MALT1: variants seen among roughly 807,000 people sequenced by gnomAD.
The protein encoded by MALT1 is MALT1 paracaspase, also known as mucosa-associated lymphoid tissue lymphoma translocation protein 1.
Under a neutral mutation model 85.5 loss-of-function variants are expected in MALT1, and 36 were observed. The observed-to-expected ratio is 0.42, with a 90% CI of 0.32 to 0.56. The LOEUF (loss-of-function observed/expected upper bound fraction) is 0.56. Ranked by LOEUF, MALT1 falls within the 20% of genes least tolerant of loss-of-function variation. The pLI is 0.10. For synonymous variants in MALT1, 359 were observed against 361.3 expected (o/e 0.99, Z 0.07); for missense variants, 716 against 981.6 (o/e 0.73, Z 3.62).
chr18:58,742,569 G>A (rs1376306136), intron 14 of MALT1, among the ~76,000 whole-genome samples: 4 of 152,176 alleles, frequency 2.6e-5, no homozygotes, highest in African/African-American at 7.2e-5. Context: ...TTAGCGGGGT[G>A]TGGTGGCACG....
chr18:58,719,547 T>C (rs543428282), intron 9 of MALT1, among the ~76,000 whole-genome samples: 73 of 152,320 alleles, frequency 4.8e-4, no homozygotes, highest in African/African-American at 1.6e-3. Flanking sequence ...TTTAAGGGCT[T>C]AGACCCTGAA....
rs1206913500 is a variant in MALT1 at position 58,750,822 on chromosome 18, C to T, written c.*2980C>T. ...GTGATGTTGGGCTTAGGAATGGTTT[C>T]TTAGACATAATACCAAAAGCACAAG... On this transcript the variant is annotated 3_prime_UTR_variant, in exon 17 of 17. Transcript: ENST00000649217. 6.6e-6 allele frequency: 1 copy of T among 152,152 alleles called. No individual in the cohort carries two copies. The highest frequency in any genetic ancestry group is 1.5e-5 in the Non-Finnish European group (1 of 68,024). 9.4% of individuals were successfully genotyped at this position (152,152 alleles called of 1,614,324 possible).
Position 58,677,568 on chromosome 18 carries a change from C to T in MALT1, c.210-3602C>T, listed in dbSNP as rs184360454. On this transcript the variant is annotated intron_variant, in intron 1 of 16. Coordinates refer to ENST00000649217, the MANE Select transcript of MALT1 (RefSeq NM_006785.4). ...AATAAAATTTCACAAAATAAGAGCA[C>T]TAACAGGCAGCTTCACCTTTTTATG... 8.5e-5 allele frequency: 13 copies of T among 152,286 alleles called. No individual in the cohort carries two copies. In the East Asian group the frequency reaches 2.5e-3, roughly 29 times the overall value. 9.4% of individuals were successfully genotyped at this position (152,286 alleles called of 1,614,324 possible). A position where few individuals can be genotyped will look rare whatever the true frequency, so the allele number is the denominator to read the frequency against.
intron 9 of MALT1, among the ~76,000 whole-genome samples, chr18:58,722,200 C>A (rs11873030): frequency 6.6e-6 from 1 of 151,532 alleles, no homozygotes; most frequent in Non-Finnish European, 1.5e-5. Flanking sequence ...AGAAAGGTAC[C>A]GTGTTGAAGA....
At position 58,681,190 on chromosome 18, in the gene MALT1, G is replaced by A; in HGVS notation, c.230G>A (p.Cys77Tyr). ...TTCAGTTGCCTAGACCTGGAGCAGT[G>A]TTCTCTTAAGGTACTGGAGCCTGAA... is the stretch of plus-strand genomic sequence containing the variant. ...LRLSCLDLEQ[C>Y]SLKVLEPEGS... Residue 77 changes from cysteine (C) to tyrosine (Y), a missense_variant, in exon 2 of 17, where the codon TGT becomes TAT. Cys to Tyr is a radical substitution (Grantham distance 194). Around this residue, in one of 4 missense-constraint regions of MALT1, gnomAD observed 290 missense variants for 380.5 expected, o/e 0.76. Coordinates refer to ENST00000649217, the MANE Select transcript of MALT1 (RefSeq NM_006785.4). 6.2e-7 allele frequency: 1 copy of A among 1,613,880 alleles called. No individual in the cohort carries two copies. Among genetic ancestry groups the A allele is most frequent in the Non-Finnish European group, 8.5e-7 (1 of 1,179,928 alleles).
At chr18:58,699,376 TGCA>T (rs1381943357) in intron 3 of MALT1, among the ~76,000 whole-genome samples, 26 of 152,192 alleles carry the variant, frequency 1.7e-4, no homozygotes, top group African/African-American at 6.0e-4. Flanking sequence ...CAGTTGTAAG[TGCA>T]GCCTGTCATC....
At chr18:58,727,806 AT>A (rs1188405913) in intron 10 of MALT1, among the ~76,000 whole-genome samples, 2 of 152,066 alleles carry the variant, frequency 1.3e-5, no homozygotes, top group African/African-American at 4.8e-5. Context: ...CTGCATCTGT[AT>A]TTTGGTTCTG....
chr18:58,734,038 C>A (rs936724455), intron 11 of MALT1: 1 of 1,267,894 alleles, frequency 7.9e-7, no homozygotes, highest in African/African-American at 1.5e-5. Flanking sequence ...ATGACTGTTC[C>A]TCTAGATTTA....
intron 14 of MALT1, 80 bp downstream of exon 14, chr18:58,742,094 T>C: frequency 8.3e-7 from 1 of 1,201,446 alleles, no homozygotes; most frequent in Non-Finnish European, 1.1e-6. Flanking sequence ...TAAATAACTT[T>C]CCTCCCAGTT....
At position 58,754,286 on chromosome 18, in the gene MALT1, A is replaced by T. The variant is rs1178050427; in HGVS notation, c.*6444A>T. The stretch of plus-strand genomic sequence containing the variant: ...TTAATATTTCATTCTTCCATGAAAA[A>T]CACTTTTAAAATATTGAAACATTAT... On this transcript the variant is annotated 3_prime_UTR_variant, in exon 17 of 17. Coordinates refer to ENST00000649217, the MANE Select transcript of MALT1 (RefSeq NM_006785.4). 6.6e-6 allele frequency: 1 copy of T among 152,222 alleles called. No homozygotes were observed. The highest frequency in any genetic ancestry group is 6.5e-5 in the Admixed American group (1 of 15,282). The allele number at this position is 152,222 out of a possible 1,614,324, so 9.4% of individuals were successfully genotyped here. A position where few individuals can be genotyped will look rare whatever the true frequency, so the allele number is the denominator to read the frequency against.
intron 2 of MALT1, among the ~76,000 whole-genome samples, chr18:58,693,656 A>G (rs1294803689): frequency 6.6e-6 from 1 of 152,142 alleles, no homozygotes; most frequent in Non-Finnish European, 1.5e-5. Flanking sequence ...GCCCTTAAGA[A>G]TGATGCTAAG....
chr18:58,691,332 A>G (rs2054495682), intron 2 of MALT1: 1 of 853,440 alleles, frequency 1.2e-6, no homozygotes, highest in East Asian at 4.0e-5. Context: ...GCTGTGGGCC[A>G]AGATGATCCT....
chr18:58,715,525 A>G (rs1353906947), intron 8 of MALT1, among the ~76,000 whole-genome samples: 1 of 152,210 alleles, frequency 6.6e-6, no homozygotes, highest in African/African-American at 2.4e-5. Context: ...GGGTGAAAGC[A>G]TAGAATCCAG....
At chr18:58,695,624 G>A (rs2054575637) in intron 2 of MALT1, among the ~76,000 whole-genome samples, 2 of 152,178 alleles carry the variant, frequency 1.3e-5, no homozygotes, top group South Asian at 4.1e-4. Flanking sequence ...ACCACAGACT[G>A]GGTAATTTTT....
At chr18:58,710,540 T>A (rs1012172597) in intron 6 of MALT1, among the ~76,000 whole-genome samples, 1 of 151,898 alleles carries the variant, frequency 6.6e-6, no homozygotes, top group East Asian at 1.9e-4. Flanking sequence ...AATAAATAAA[T>A]TAGCTAGGCA....
chr18:58,689,985 A>G (rs555938560), intron 2 of MALT1, among the ~76,000 whole-genome samples: 1 of 152,250 alleles, frequency 6.6e-6, no homozygotes, highest in East Asian at 1.9e-4. Context: ...CTTTGTAGCC[A>G]TGGTAAGGAA....
chr18:58,682,039 G>A (rs1242229218), intron 2 of MALT1, among the ~76,000 whole-genome samples: 1 of 152,106 alleles, frequency 6.6e-6, no homozygotes, highest in Non-Finnish European at 1.5e-5. Context: ...CTTTACCTGG[G>A]GATCCAGTGG....
In MALT1 at chr18:58,748,007, A is replaced by ATTTAATTACAGAC. The variant is rs2055394811; in HGVS notation, c.*168_*180dup. ...GACTTTGAGATGTTGAAATTACATT[A>ATTTAATTACAGAC]TTTAATTACAGACTTCCTCTTTCTA... is the stretch of plus-strand genomic sequence containing the variant. On this transcript the variant is annotated 3_prime_UTR_variant, in exon 17 of 17. Coordinates refer to ENST00000649217, the MANE Select transcript of MALT1 (RefSeq NM_006785.4). The ATTTAATTACAGAC allele has an allele frequency of 3.3e-6, 2 of 599,194 alleles. No individual in the cohort carries two copies. The highest frequency in any genetic ancestry group is 6.0e-5 in the Admixed American group (2 of 33,142). The allele number at this position is 599,194 out of a possible 1,614,324, so 37.1% of individuals were successfully genotyped here. A position where few individuals can be genotyped will look rare whatever the true frequency, so the allele number is the denominator to read the frequency against.
In MALT1 at chr18:58,732,950, G is replaced by A. The variant is rs1022304519; in HGVS notation, c.1223-447G>A. Among the ~76,000 whole-genome samples, 21 of 151,206 alleles carry A rather than the reference G, an allele frequency of 1.4e-4. No homozygotes were observed. The East Asian group carries it at 3.7e-3, about 26-fold the overall frequency. ...TTTTGAGACAGAGTTTTGCTCTGTC[G>A]CCCAGGGTGGAGTACAGTGGCATGA... is the stretch of plus-strand genomic sequence containing the variant. On this transcript the variant is annotated intron_variant, in intron 10 of 16. Transcript: ENST00000649217.
Sources: allele counts gnomAD v4.1 joint callset (sites outside exome capture counted in the v4.1 genomes callset), GRCh38; gene constraint gnomAD v4.1.1; regional missense constraint gnomAD v4.1.1; transcripts MANE v1.5; gene names NCBI Gene and HGNC (gene_info 2026-07-23, HGNC 2026-07-21).